CLEC2A: variants seen among roughly 807,000 people sequenced by gnomAD.
The protein encoded by CLEC2A is C-type lectin domain family 2 member A.
In CLEC2A, 19 loss-of-function variants were observed where a neutral mutation model predicts 18.6. That is an observed-to-expected ratio of 1.02 (90% confidence interval 0.71 to 1.50). CLEC2A has a LOEUF of 1.50. CLEC2A is among the 40% of genes most tolerant of loss of function. The pLI is 0.00. For missense variants in CLEC2A, 190 were observed against 207.9 expected, an observed-to-expected ratio of 0.91 and a Z score of 0.53; for synonymous variants, 74 against 64.0, an observed-to-expected ratio of 1.16 and a Z score of -0.75.
the CLEC2A span, among the ~76,000 whole-genome samples, chr12:9,878,254 G>A: frequency 6.6e-6 from 1 of 152,150 alleles, no homozygotes; most frequent in Non-Finnish European, 1.5e-5. Flanking sequence ...TCATACATGA[G>A]GATATGAATT....
At chr12:9,890,711 CTTCTT>C in the CLEC2A span, among the ~76,000 whole-genome samples, 1 of 152,148 alleles carries the variant, frequency 6.6e-6, no homozygotes, top group Non-Finnish European at 1.5e-5. Flanking sequence ...GATGGGGACT[CTTCTT>C]TTGTTTTCAA....
chr12:9,888,850 C>T, the CLEC2A span: 36 of 902,598 alleles, frequency 4.0e-5, no homozygotes, highest in African/African-American at 1.1e-4. Context: ...CTCTTCCTGG[C>T]GTTCACCCAT....
the CLEC2A span, among the ~76,000 whole-genome samples, chr12:9,880,212 C>G: frequency 6.6e-6 from 1 of 152,170 alleles, no homozygotes; most frequent in Non-Finnish European, 1.5e-5. Flanking sequence ...CAGAGAAATA[C>G]ATCTAAATCA....
rs138914180 is a variant in CLEC2A, at chr12:9,913,606, T to C, written c.485A>G (p.Asp162Gly). ...AGGTTTGCTGCAAATCCACTTGATA[T>C]CAATAAATCCTCTGGAACTATGGAC... ...DGVHSSRGFIDIKWICSKPKY... is the reference protein window; with the variant it reads ...DGVHSSRGFIGIKWICSKPKY... Residue 162 changes from aspartate to glycine, a missense_variant, in exon 5 of 5, where the codon GAT becomes GGT. By Grantham distance (94) the Asp-to-Gly change is moderately conservative. Coordinates refer to ENST00000455827, the MANE Select transcript of CLEC2A (RefSeq NM_001130711.2). The C allele has an allele frequency of 1.3e-6, 2 of 1,549,856 alleles. No individual in the cohort carries two copies. Among genetic ancestry groups the C allele is most frequent in the Non-Finnish European group, 1.7e-6 (2 of 1,146,728 alleles).
At chr12:9,908,166 G>C (rs1862931468) in intron 4 of CLEC2A, among the ~76,000 whole-genome samples, 1 of 152,180 alleles carries the variant, frequency 6.6e-6, no homozygotes. Flanking sequence ...CTCCCCAGCA[G>C]TTTTCAGCTT....
At chr12:9,924,579 T>C (rs1863235231) in intron 2 of CLEC2A, among the ~76,000 whole-genome samples, 1 of 152,128 alleles carries the variant, frequency 6.6e-6, no homozygotes, top group Admixed American at 6.5e-5. Context: ...TGGCCATGGC[T>C]CAGGAATTAA....
chr12:9,881,545 C>T, the CLEC2A span: 1 of 1,314,460 alleles, frequency 7.6e-7, no homozygotes, highest in Non-Finnish European at 1.1e-6. Flanking sequence ...GATTAGTTTC[C>T]ATTTTCTTTG....
chr12:9,913,562 T>C lies in CLEC2A; in HGVS notation c.*4A>G. On this transcript the variant is annotated 3_prime_UTR_variant, in exon 5 of 5. Transcript: ENST00000455827. ...GTGATAATCATTTTCAAGTTTTTTC[T>C]GCTCTATAAAAAATATTTAGGTTTG... is the stretch of plus-strand genomic sequence containing the variant. The C allele has an allele frequency of 6.5e-7, 1 of 1,538,264 alleles. No individual in the cohort carries two copies. Among genetic ancestry groups the C allele is most frequent in the African/African-American group, 1.4e-5 (1 of 72,284 alleles).
At chr12:9,879,938 G>A in the CLEC2A span, among the ~76,000 whole-genome samples, 24 of 152,162 alleles carry the variant, frequency 1.6e-4, no homozygotes, top group South Asian at 8.3e-4. Flanking sequence ...GCACATGTTC[G>A]CATTCCTTTG....
the CLEC2A span, chr12:9,888,683 G>A: frequency 9.7e-7 from 1 of 1,026,970 alleles, no homozygotes; most frequent in Non-Finnish European, 1.5e-6. Flanking sequence ...TACCTAGATT[G>A]CTATTGATTT....
At chr12:9,918,135 T>G (rs1427323355) in intron 3 of CLEC2A, among the ~76,000 whole-genome samples, 1 of 152,052 alleles carries the variant, frequency 6.6e-6, no homozygotes, top group Non-Finnish European at 1.5e-5. Flanking sequence ...GCATTTTTTT[T>G]TACTATTGCT....
At chr12:9,916,297 TA>T (rs1282173407) in intron 4 of CLEC2A, among the ~76,000 whole-genome samples, 1 of 152,068 alleles carries the variant, frequency 6.6e-6, no homozygotes, top group African/African-American at 2.4e-5. Context: ...AAGACAACTA[TA>T]AAGTCTTTAA....
intron 4 of CLEC2A, among the ~76,000 whole-genome samples, chr12:9,904,979 T>C (rs753595847): frequency 3.3e-5 from 5 of 152,188 alleles, no homozygotes; most frequent in African/African-American, 4.8e-5. Context: ...TAAATACTTA[T>C]CTACATTTGA....
chr12:9,919,574 GA>G (rs1156440967), intron 3 of CLEC2A, among the ~76,000 whole-genome samples: 1 of 152,232 alleles, frequency 6.6e-6, no homozygotes, highest in Non-Finnish European at 1.5e-5. Flanking sequence ...AGACATTCCA[GA>G]GCTGCTACTG....
chr12:9,917,638 C>T (rs1478849705), intron 3 of CLEC2A, among the ~76,000 whole-genome samples: 2 of 151,388 alleles, frequency 1.3e-5, no homozygotes, highest in Admixed American at 6.6e-5. Context: ...TAAACACCAC[C>T]GCAACCATTG....
downstream of CLEC2A, among the ~76,000 whole-genome samples, chr12:9,909,482 G>A (rs533092): frequency 9.6e-3 from 1,457 of 152,276 alleles, 27 homozygotes; most frequent in African/African-American, 0.032. Context: ...TATAACTGGG[G>A]TCCTAGAAAT....
chr12:9,924,070 A>T (rs1431090336), intron 2 of CLEC2A, among the ~76,000 whole-genome samples: 1 of 152,018 alleles, frequency 6.6e-6, no homozygotes, highest in Non-Finnish European at 1.5e-5. Flanking sequence ...CATATGTAAC[A>T]CAAACCTGCA....
chr12:9,904,403 T>G (rs1318500881), intron 4 of CLEC2A, among the ~76,000 whole-genome samples: 2 of 152,212 alleles, frequency 1.3e-5, no homozygotes, highest in Admixed American at 1.3e-4. Flanking sequence ...ATCGTTTTTG[T>G]TTAGACTGCA....
At chr12:9,894,948 C>T (rs1862739997), downstream of CLEC2A, among the ~76,000 whole-genome samples, 2 of 152,100 alleles carry the variant, frequency 1.3e-5, no homozygotes, top group East Asian at 1.9e-4. Context: ...TTAAGGAAAA[C>T]AACACACATG....
Sources: allele counts gnomAD v4.1 joint callset (sites outside exome capture counted in the v4.1 genomes callset), GRCh38; gene constraint gnomAD v4.1.1; transcripts MANE v1.5; gene names NCBI Gene and HGNC (gene_info 2026-07-23, HGNC 2026-07-21).